Variants in CDH4 observed in about 807,000 individuals in gnomAD.
The protein encoded by CDH4 is cadherin-4.
In CDH4, 33 loss-of-function variants were observed where a neutral mutation model predicts 86.0. The ratio of observed to expected loss-of-function variants is 0.38; its 90% CI spans 0.29 to 0.51. The LOEUF (loss-of-function observed/expected upper bound fraction) is 0.51, where lower values mean the gene tolerates loss of function less well. Ranked by LOEUF, CDH4 falls within the 20% of genes least tolerant of loss-of-function variation. CDH4 has a pLI of 0.86. For synonymous variants in CDH4, 555 were observed against 549.4 expected (o/e 1.01, Z -0.14); for missense variants, 1,114 against 1,307.4 (o/e 0.85, Z 2.28).
chr20:61,384,079 ATT>A (rs1331783048), intron 2 of CDH4, among the ~76,000 whole-genome samples: 2 of 151,742 alleles, frequency 1.3e-5, no homozygotes, highest in Non-Finnish European at 2.9e-5. Context: ...CTCTCTTCAC[ATT>A]TTTCTGCCTG....
intron 2 of CDH4, among the ~76,000 whole-genome samples, chr20:61,257,488 C>T (rs139316697): frequency 1.0e-3 from 156 of 152,370 alleles, no homozygotes; most frequent in African/African-American, 3.5e-3. Flanking sequence ...TGCGGGACTT[C>T]GCTGCTGATC....
intron 2 of CDH4, among the ~76,000 whole-genome samples, chr20:61,286,860 G>A (rs1199754196): frequency 1.3e-5 from 2 of 152,204 alleles, no homozygotes; most frequent in African/African-American, 4.8e-5. Flanking sequence ...TGTGTGACTG[G>A]CATTTGCCTG....
intron 4 of CDH4, among the ~76,000 whole-genome samples, chr20:61,828,513 C>T (rs983845242): frequency 2.0e-5 from 3 of 152,230 alleles, no homozygotes; most frequent in African/African-American, 7.2e-5. Context: ...CCTCTAAATT[C>T]AAGGGGATCT....
intron 2 of CDH4, among the ~76,000 whole-genome samples, chr20:61,262,117 C>A (rs149001419): frequency 6.6e-6 from 1 of 152,200 alleles, no homozygotes; most frequent in Admixed American, 6.5e-5. Context: ...TCAACACTCA[C>A]GTTGTGACAT....
intron 4 of CDH4, among the ~76,000 whole-genome samples, chr20:61,791,890 G>A (rs1173434289): frequency 6.6e-6 from 1 of 152,062 alleles, no homozygotes; most frequent in Non-Finnish European, 1.5e-5. Context: ...TATGAGTGAG[G>A]GAAAGGGAGG....
intron 9 of CDH4, among the ~76,000 whole-genome samples, chr20:61,918,853 C>G (rs2054935294): frequency 6.6e-6 from 1 of 152,118 alleles, no homozygotes; most frequent in Non-Finnish European, 1.5e-5. Context: ...CCTTCCATGC[C>G]CATCCAATAC....
At chr20:61,645,679 G>T (rs1422316453) in intron 2 of CDH4, among the ~76,000 whole-genome samples, 1 of 151,648 alleles carries the variant, frequency 6.6e-6, no homozygotes, top group Non-Finnish European at 1.5e-5. Flanking sequence ...CTTCTGCAGT[G>T]CAGGGAACCA....
intron 6 of CDH4, among the ~76,000 whole-genome samples, chr20:61,862,075 C>A (rs567793420): frequency 6.6e-6 from 1 of 152,306 alleles, no homozygotes; most frequent in East Asian, 1.9e-4. Flanking sequence ...AGGGCGCTGT[C>A]CCCCACGCTC....
At chr20:61,933,216 AAG>A in intron 14 of CDH4, 92 bp downstream of exon 14, 1 of 1,480,166 alleles carries the variant, frequency 6.8e-7, no homozygotes, top group Non-Finnish European at 9.2e-7. Context: ...GTTTAACAGT[AAG>A]ACATTTCAAC....
intron 2 of CDH4, among the ~76,000 whole-genome samples, chr20:61,716,311 C>T (rs1198958294): frequency 1.3e-5 from 2 of 152,116 alleles, no homozygotes; most frequent in African/African-American, 2.4e-5. Context: ...GGACACTCCT[C>T]ACCCATGAGC....
At chr20:61,617,389 G>A (rs749440389) in intron 2 of CDH4, among the ~76,000 whole-genome samples, 1 of 152,234 alleles carries the variant, frequency 6.6e-6, no homozygotes, top group Non-Finnish European at 1.5e-5. Flanking sequence ...TGCGTTTGGA[G>A]AGGAGAGCTC....
intron 2 of CDH4, among the ~76,000 whole-genome samples, chr20:61,519,353 G>T (rs2085850818): frequency 6.6e-6 from 1 of 152,192 alleles, no homozygotes; most frequent in Non-Finnish European, 1.5e-5. Flanking sequence ...CTAGCCTCTG[G>T]GCTTTGGTTT....
intron 2 of CDH4, among the ~76,000 whole-genome samples, chr20:61,504,670 G>A (rs1041026138): frequency 2.0e-5 from 3 of 152,224 alleles, no homozygotes; most frequent in South Asian, 2.1e-4. Context: ...AGCCCCACCT[G>A]CATGTCAGGC....
rs546907179 is a variant in CDH4 at position 61,752,129 on chromosome 20, C to G, written c.396+8340C>G. ...GGCAGATCACCCAAGGTCAGGAGTT[C>G]GAGACCAGCCTGGCTAACATGGTGA... On this transcript the variant is annotated intron_variant, in intron 3 of 15. Transcript: ENST00000614565. Among the ~76,000 whole-genome samples the G allele has an allele frequency of 2.0e-5, 3 of 152,210 alleles. No individual in the cohort carries two copies. In the South Asian group the frequency reaches 6.2e-4, roughly 32 times the overall value.
chr20:61,443,219 C>CG lies in CDH4; in HGVS notation c.169+188283dup, dbSNP rs535897597. Among the ~76,000 whole-genome samples the CG allele has an allele frequency of 5.9e-5, 9 of 152,334 alleles. 1 individual carries two copies. In the East Asian group the frequency reaches 1.7e-3, roughly 29 times the overall value. On this transcript the variant is annotated intron_variant, in intron 2 of 15. Transcript: ENST00000614565. ...ACCACTCCCCTGCACGCTTATTTGT[C>CG]GCAGAGTGGTTAATGCTCTTTAATT...
At chr20:61,755,318 C>T (rs1451783786) in intron 3 of CDH4, among the ~76,000 whole-genome samples, 12 of 145,790 alleles carry the variant, frequency 8.2e-5, no homozygotes, top group East Asian at 4.2e-4. Flanking sequence ...CAGTGCACAC[C>T]GCACACACAC....
chr20:61,447,550 T>G (rs2085358424), intron 2 of CDH4, among the ~76,000 whole-genome samples: 1 of 151,934 alleles, frequency 6.6e-6, no homozygotes, highest in African/African-American at 2.4e-5. Context: ...CATTTCACTT[T>G]TTAATCATTC....
intron 2 of CDH4, among the ~76,000 whole-genome samples, chr20:61,692,443 A>G (rs900122059): frequency 2.0e-5 from 3 of 152,238 alleles, no homozygotes; most frequent in African/African-American, 7.2e-5. Context: ...TCTTAAAGAG[A>G]TCTGTTTGAA....
At chr20:61,822,386 T>C (rs2146067917) in intron 4 of CDH4, among the ~76,000 whole-genome samples, 1 of 152,360 alleles carries the variant, frequency 6.6e-6, no homozygotes, top group Non-Finnish European at 1.5e-5. Flanking sequence ...GTGTTTAGAT[T>C]ATCAGAATTT....
Sources: allele counts gnomAD v4.1 joint callset (sites outside exome capture counted in the v4.1 genomes callset), GRCh38; gene constraint gnomAD v4.1.1; transcripts MANE v1.5; gene names NCBI Gene and HGNC (gene_info 2026-07-23, HGNC 2026-07-21).